The following ELMO1 variants were observed in gnomAD, a reference collection of about 807,000 sequenced individuals.
ELMO1 encodes engulfment and cell motility 1, also known as engulfment and cell motility protein 1.
ELMO1 carries 26 observed loss-of-function variants against 98.9 expected under a neutral mutation model. That is an observed-to-expected ratio of 0.26 (90% CI 0.19 to 0.36). The LOEUF (loss-of-function observed/expected upper bound fraction) is 0.36, where lower values mean the gene tolerates loss of function less well. Ranked by LOEUF, ELMO1 falls within the 10% of genes least tolerant of loss-of-function variation. ELMO1 has a pLI of 1.00. For missense variants in ELMO1, 627 were observed against 935.2 expected (o/e 0.67, Z 4.30); for synonymous variants, 346 against 346.0 (o/e 1.00, Z 0.00).
chr7:37,059,977 T>G (rs1796583595), intron 15 of ELMO1, among the ~76,000 whole-genome samples: 1 of 152,214 alleles, frequency 6.6e-6, no homozygotes, highest in African/African-American at 2.4e-5. Context: ...AGGAAGAGGA[T>G]GGAAACAAGA....
At chr7:37,027,156 T>C (rs977212985) in intron 15 of ELMO1, among the ~76,000 whole-genome samples, 4 of 151,976 alleles carry the variant, frequency 2.6e-5, no homozygotes, top group Non-Finnish European at 4.4e-5. Flanking sequence ...CCTCCCTCTC[T>C]CCCCCAACTT....
intron 16 of ELMO1, among the ~76,000 whole-genome samples, chr7:36,951,125 T>G (rs1787929681): frequency 6.6e-6 from 1 of 152,208 alleles, no homozygotes; most frequent in African/African-American, 2.4e-5. Flanking sequence ...ATTTACTGCT[T>G]GGACCTGTGT....
At chr7:37,022,342 A>G (rs1794318818) in intron 15 of ELMO1, among the ~76,000 whole-genome samples, 1 of 152,228 alleles carries the variant, frequency 6.6e-6, no homozygotes, top group South Asian at 2.1e-4. Flanking sequence ...CTAATAAAGA[A>G]CTGGTATCTA....
chr7:37,225,398 A>T (rs1287628473), intron 8 of ELMO1, among the ~76,000 whole-genome samples: 1 of 152,178 alleles, frequency 6.6e-6, no homozygotes, highest in Non-Finnish European at 1.5e-5. Context: ...TAATGTCAAC[A>T]TATGTTAATT....
chr7:36,906,695 G>A (rs1326129027), intron 16 of ELMO1, among the ~76,000 whole-genome samples: 2 of 152,082 alleles, frequency 1.3e-5, no homozygotes, highest in African/African-American at 4.8e-5. Flanking sequence ...GGAGGCTGGG[G>A]TGGGAGGATC....
chr7:36,905,118 A>T (rs1411756055), intron 16 of ELMO1, among the ~76,000 whole-genome samples: 4 of 152,232 alleles, frequency 2.6e-5, no homozygotes, highest in Non-Finnish European at 5.9e-5. Flanking sequence ...AGCAGAAAGA[A>T]ATAGAGTTTC....
At chr7:37,124,330 A>T (rs1450401920) in intron 14 of ELMO1, among the ~76,000 whole-genome samples, 3 of 152,218 alleles carry the variant, frequency 2.0e-5, no homozygotes, top group African/African-American at 2.4e-5. Context: ...AATTAGGAAA[A>T]GAGGAAGTCC....
At chr7:37,161,113 G>T (rs1010378995) in intron 13 of ELMO1, among the ~76,000 whole-genome samples, 2 of 152,178 alleles carry the variant, frequency 1.3e-5, no homozygotes, top group South Asian at 4.1e-4. Context: ...CTCTTGTGAG[G>T]AGGCAGCTGT....
intron 2 of ELMO1, among the ~76,000 whole-genome samples, chr7:37,318,964 A>G (rs2131123982): frequency 6.6e-6 from 1 of 152,302 alleles, no homozygotes; most frequent in Middle Eastern, 3.4e-3. Flanking sequence ...TAATCCTTCA[A>G]TGAAGTCCAA....
At chr7:37,159,680 C>T (rs182023449) in intron 13 of ELMO1, among the ~76,000 whole-genome samples, 45 of 151,976 alleles carry the variant, frequency 3.0e-4, no homozygotes, top group Admixed American at 1.2e-3. Flanking sequence ...GCCAGGGTGA[C>T]ACAGCGAGAC....
At chr7:36,973,731 A>AGGGAGGTGTGGAGG (rs1790190428) in intron 16 of ELMO1, among the ~76,000 whole-genome samples, 1 of 152,144 alleles carries the variant, frequency 6.6e-6, no homozygotes, top group Non-Finnish European at 1.5e-5. Flanking sequence ...CTCGGCTTGC[A>AGGGAGGTGTGGAGG]GGGAGGTGTG....
At chr7:37,194,108 A>G (rs1327095646) in intron 13 of ELMO1, among the ~76,000 whole-genome samples, 1 of 152,208 alleles carries the variant, frequency 6.6e-6, no homozygotes, top group African/African-American at 2.4e-5. Flanking sequence ...TGGCCAGTTT[A>G]TTCTCTGCTC....
intron 4 of ELMO1, among the ~76,000 whole-genome samples, chr7:37,274,527 G>A (rs913240075): frequency 3.9e-5 from 6 of 152,126 alleles, no homozygotes; most frequent in Admixed American, 3.9e-4. Context: ...AGGCCCCAAG[G>A]GTATGAAGCG....
At chr7:37,161,444 A>G (rs918406308) in intron 13 of ELMO1, among the ~76,000 whole-genome samples, 1 of 152,094 alleles carries the variant, frequency 6.6e-6, no homozygotes, top group African/African-American at 2.4e-5. Context: ...TAATCAGACA[A>G]TGAATTAAAG....
chr7:37,121,396 C>A (rs1432515407), intron 14 of ELMO1, among the ~76,000 whole-genome samples: 2 of 152,120 alleles, frequency 1.3e-5, no homozygotes, highest in Admixed American at 1.3e-4. Flanking sequence ...AGACAAATGG[C>A]TAACCAGAAT....
At chr7:37,260,329 C>T (rs1795915573) in intron 5 of ELMO1, among the ~76,000 whole-genome samples, 1 of 152,046 alleles carries the variant, frequency 6.6e-6, no homozygotes, top group Non-Finnish European at 1.5e-5. Flanking sequence ...GGGTGTCGAC[C>T]CCATTAATGA....
chr7:37,442,481 A>C (rs1163727992), intron 1 of ELMO1, among the ~76,000 whole-genome samples: 1 of 152,206 alleles, frequency 6.6e-6, no homozygotes, highest in Non-Finnish European at 1.5e-5. Context: ...TGCCTTCACC[A>C]TGACTCATCC....
intron 16 of ELMO1, among the ~76,000 whole-genome samples, chr7:36,972,359 T>C (rs887655706): frequency 2.0e-5 from 3 of 152,192 alleles, no homozygotes; most frequent in African/African-American, 4.8e-5. Context: ...CTTTGGAAAG[T>C]CCATGAAAAG....
chr7:36,999,062 G>T (rs1170751626), intron 16 of ELMO1, among the ~76,000 whole-genome samples: 1 of 151,994 alleles, frequency 6.6e-6, no homozygotes, highest in African/African-American at 2.4e-5. Flanking sequence ...CAGGTGAGAG[G>T]GGATGAAATT....
Sources: gnomAD v4.1 joint callset for allele counts (sites outside exome capture counted in the v4.1 genomes callset) on GRCh38, gnomAD v4.1.1 for gene constraint, MANE v1.5 for transcripts, NCBI Gene and HGNC (gene_info 2026-07-23, HGNC 2026-07-21) for gene names.